UST: variants seen among roughly 807,000 people sequenced by gnomAD.
The protein encoded by UST is chondroitin sulfate 2-O-sulfotransferase.
Under a neutral mutation model 45.6 loss-of-function variants are expected in UST, and 21 were observed. The ratio of observed to expected loss-of-function variants is 0.46; its 90% CI spans 0.33 to 0.66. The LOEUF (loss-of-function observed/expected upper bound fraction) is 0.66, where lower values mean the gene tolerates loss of function less well. Ranked by LOEUF, UST falls within the 30% of genes least tolerant of loss-of-function variation. The probability of loss-of-function intolerance (pLI) is 0.02; values close to 1 mark genes in which losing one functional copy is unlikely to be tolerated. For synonymous variants in UST, 215 were observed against 200.6 expected (o/e 1.07, Z -0.61); for missense variants, 463 against 512.4 (o/e 0.90, Z 0.93).
rs1196659045 is a variant in UST at position 149,075,273 on chromosome 6, A to G, written c.*1157A>G. ...CCTATAGGACCTGGTACTATGTACT[A>G]TTGTAACTTCTAGTTCCCTAAGAGG... is the stretch of plus-strand genomic sequence containing the variant. On this transcript the variant is annotated 3_prime_UTR_variant, in exon 8 of 8. Transcript: ENST00000367463. 3 of 152,204 alleles carry G rather than the reference A, an allele frequency of 2.0e-5. No individual in the cohort carries two copies. Among genetic ancestry groups the G allele is most frequent in the Non-Finnish European group, 2.9e-5 (2 of 68,056 alleles). The allele number at this position is 152,204 out of a possible 1,614,324, so 9.4% of individuals were successfully genotyped here.
chr6:148,874,830 A>G (rs1187504029), intron 1 of UST, among the ~76,000 whole-genome samples: 1 of 152,240 alleles, frequency 6.6e-6, no homozygotes, highest in Non-Finnish European at 1.5e-5. Flanking sequence ...GCTACCTCTT[A>G]GAGAAATGCA....
intron 7 of UST, among the ~76,000 whole-genome samples, chr6:149,027,337 G>A (rs1038326824): frequency 6.6e-6 from 1 of 152,196 alleles, no homozygotes; most frequent in South Asian, 2.1e-4. Flanking sequence ...ATTCTTTAAG[G>A]AAAGGACATT....
At chr6:148,887,276 ACTTCAGACCTCTGGCAG>A (rs1055493535) in intron 2 of UST, among the ~76,000 whole-genome samples, 1 of 152,276 alleles carries the variant, frequency 6.6e-6, no homozygotes, top group Non-Finnish European at 1.5e-5. Context: ...CCTGAGACTG[ACTTCAGACCTCTGGCAG>A]CTTCTCCTGT....
At position 148,747,191 on chromosome 6, in the gene UST, C is replaced by T. The variant is rs1775879857; in HGVS notation, c.-240C>T. 3.9e-6 allele frequency: 1 copy of T among 255,982 alleles called. No individual in the cohort carries two copies. Among genetic ancestry groups the T allele is most frequent in the Non-Finnish European group, 7.1e-6 (1 of 141,660 alleles). 15.9% of individuals were successfully genotyped at this position (255,982 alleles called of 1,614,324 possible). A position where few individuals can be genotyped will look rare whatever the true frequency, so the allele number is the denominator to read the frequency against. ...AGCGGGCGCCGGACGGGCGCGGCGC[C>T]CCGTCACGGGCAGCGCCCCGAACCG... is the stretch of plus-strand genomic sequence containing the variant. On this transcript the variant is annotated 5_prime_UTR_variant, in exon 1 of 8. Transcript: ENST00000367463.
At chr6:149,059,748 A>G (rs924318600) in intron 7 of UST, among the ~76,000 whole-genome samples, 14 of 152,212 alleles carry the variant, frequency 9.2e-5, no homozygotes, top group African/African-American at 3.4e-4. Context: ...CCCGCTAGCA[A>G]TTTCAGCAGA....
chr6:148,892,334 T>G (rs1004544301), intron 2 of UST, among the ~76,000 whole-genome samples: 2 of 152,176 alleles, frequency 1.3e-5, no homozygotes, highest in East Asian at 3.8e-4. Context: ...TAGGCAAGAA[T>G]GAAAAATTTG....
chr6:148,945,513 T>A lies in UST; in HGVS notation c.447+4079T>A, dbSNP rs551197618. ...AGAGATTTTATGATGCAGCCAGGGT[T>A]AAGAAGCTCTGTCGAAATCATCATA... On this transcript the variant is annotated intron_variant, in intron 3 of 7. Transcript: ENST00000367463. Among the ~76,000 whole-genome samples the A allele has an allele frequency of 7.2e-5, 11 of 152,332 alleles. No homozygotes were observed. The South Asian group carries it at 2.3e-3, about 32-fold the overall frequency.
intron 5 of UST, among the ~76,000 whole-genome samples, chr6:148,992,043 A>C (rs972947099): frequency 2.0e-5 from 3 of 152,220 alleles, no homozygotes; most frequent in African/African-American, 7.2e-5. Context: ...GAAGAATACC[A>C]TGACCTGTGG....
intron 7 of UST, among the ~76,000 whole-genome samples, chr6:149,047,607 T>TG (rs1776413623): frequency 6.6e-6 from 1 of 152,180 alleles, no homozygotes; most frequent in South Asian, 2.1e-4. Flanking sequence ...TTCAAGCCCT[T>TG]GTGAGAAATT....
At chr6:148,846,071 A>G (rs1468686094) in intron 1 of UST, among the ~76,000 whole-genome samples, 2 of 149,874 alleles carry the variant, frequency 1.3e-5, no homozygotes, top group Non-Finnish European at 3.0e-5. Flanking sequence ...TAGAAATACC[A>G]TTTGACCCAG....
rs893511131 is a variant in UST, at chr6:149,076,300, G to A, written c.*2184G>A. The A allele has an allele frequency of 2.0e-5, 3 of 152,212 alleles. No homozygotes were observed. Among genetic ancestry groups the A allele is most frequent in the Non-Finnish European group, 2.9e-5 (2 of 68,036 alleles). The allele number at this position is 152,212 out of a possible 1,614,324, so 9.4% of individuals were successfully genotyped here. On this transcript the variant is annotated 3_prime_UTR_variant, in exon 8 of 8. Coordinates refer to ENST00000367463, the MANE Select transcript of UST (RefSeq NM_005715.3). ...TATGAAATTCCATATAAAGAATGAT[G>A]ATAAGTTTACACACTGTGCAATCTC... is the stretch of plus-strand genomic sequence containing the variant.
intron 1 of UST, among the ~76,000 whole-genome samples, chr6:148,753,897 G>A (rs1175121222): frequency 6.6e-6 from 1 of 151,946 alleles, no homozygotes; most frequent in Non-Finnish European, 1.5e-5. Context: ...TATATTCATT[G>A]GCGTTGTGTT....
At chr6:148,971,561 G>A (rs1278525265) in intron 5 of UST, among the ~76,000 whole-genome samples, 2 of 152,250 alleles carry the variant, frequency 1.3e-5, no homozygotes, top group Middle Eastern at 3.4e-3. Flanking sequence ...GAGAAGTGTT[G>A]GTTGAGCTAT....
chr6:148,809,062 C>G (rs1777203773), intron 1 of UST, among the ~76,000 whole-genome samples: 1 of 152,238 alleles, frequency 6.6e-6, no homozygotes, highest in Non-Finnish European at 1.5e-5. Context: ...AACTAATCAT[C>G]ACCTTGTACT....
intron 1 of UST, among the ~76,000 whole-genome samples, chr6:148,772,658 A>G (rs1776454969): frequency 6.6e-6 from 1 of 152,050 alleles, no homozygotes; most frequent in Admixed American, 6.6e-5. Flanking sequence ...TCCTGGCCTC[A>G]AGTGATCCTC....
intron 1 of UST, among the ~76,000 whole-genome samples, chr6:148,831,689 G>T (rs1777690208): frequency 6.6e-6 from 1 of 152,110 alleles, no homozygotes; most frequent in South Asian, 2.1e-4. Flanking sequence ...CAGCTACTCG[G>T]CAGGCTGAGG....
Position 148,897,271 on chromosome 6 carries a change from G to A in UST, c.291+10242G>A, listed in dbSNP as rs147500972. Among the ~76,000 whole-genome samples the A allele has an allele frequency of 9.1e-3, 1,379 of 152,086 alleles. 13 individuals are homozygous for A. Among genetic ancestry groups the A allele is most frequent in the African/African-American group, 0.031 (1,276 of 41,474 alleles). On this transcript the variant is annotated intron_variant, in intron 2 of 7. Coordinates refer to ENST00000367463, the MANE Select transcript of UST (RefSeq NM_005715.3). ...CAACCTCCACCTCCTGGGTTCAGGT[G>A]ATTCTTGTGCCTCAGCCTCCCGAGT...
rs189220599 is a variant in UST at position 148,863,057 on chromosome 6, G to T, written c.248-23929G>T. ...GAATGTTGGCCTGCCTTGCTAGGTT[G>T]GGGCAGTTCTCCTGGATAATATCCT... On this transcript the variant is annotated intron_variant, in intron 1 of 7. Transcript: ENST00000367463. Among the ~76,000 whole-genome samples the T allele has an allele frequency of 7.6e-3, 1,153 of 152,252 alleles. 15 individuals are homozygous for T. Among genetic ancestry groups the T allele is most frequent in the African/African-American group, 0.026 (1,089 of 41,534 alleles).
At chr6:148,806,928 C>A (rs904627011) in intron 1 of UST, among the ~76,000 whole-genome samples, 2 of 152,186 alleles carry the variant, frequency 1.3e-5, no homozygotes, top group Non-Finnish European at 2.9e-5. Flanking sequence ...GAGGCCAGAG[C>A]CCCCATGACC....
Sources: gnomAD v4.1 joint callset for allele counts (sites outside exome capture counted in the v4.1 genomes callset) on GRCh38, gnomAD v4.1.1 for gene constraint, MANE v1.5 for transcripts, NCBI Gene and HGNC (gene_info 2026-07-23, HGNC 2026-07-21) for gene names.